The following GPR39 variants were observed in gnomAD, a reference collection of about 807,000 sequenced individuals.
GPR39 encodes zinc sensing receptor.
A neutral mutation model predicts 18.4 loss-of-function variants in GPR39; 23 were observed. The ratio of observed to expected loss-of-function variants is 1.25; its 90% CI spans 0.90 to 1.77. GPR39 has a LOEUF of 1.77. Among genes scored for constraint, GPR39 ranks in the 40% most tolerant of loss-of-function variants. The probability of loss-of-function intolerance (pLI) is 0.00; values close to 1 mark genes in which losing one functional copy is unlikely to be tolerated. For missense variants in GPR39, 647 were observed against 602.4 expected, an observed-to-expected ratio of 1.07 and a Z score of -0.78; for synonymous variants, 280 against 257.9, an observed-to-expected ratio of 1.09 and a Z score of -0.82.
chr2:132,456,968 C>A (rs1188827896), intron 1 of GPR39, among the ~76,000 whole-genome samples: 1 of 152,244 alleles, frequency 6.6e-6, no homozygotes, highest in South Asian at 2.1e-4. Flanking sequence ...TGGGGTGGCT[C>A]TCCTCGAGGA....
chr2:132,423,865 G>C (rs558369627), intron 1 of GPR39, among the ~76,000 whole-genome samples: 1 of 152,282 alleles, frequency 6.6e-6, no homozygotes, highest in South Asian at 2.1e-4. Context: ...AGACATAGTA[G>C]GTAATGAATA....
At chr2:132,617,049 C>T (rs1681349000) in intron 1 of GPR39, among the ~76,000 whole-genome samples, 1 of 152,126 alleles carries the variant, frequency 6.6e-6, no homozygotes, top group African/African-American at 2.4e-5. Flanking sequence ...TGTGGATTCT[C>T]TTTCTCTATT....
In GPR39 at chr2:132,458,458, T is replaced by TTGTGTGTGTTTG. The variant is rs1553448882; in HGVS notation, c.856+40569_856+40570insTTGTGTGTGTGT. On this transcript the variant is annotated intron_variant, in intron 1 of 1. Coordinates refer to ENST00000329321, the MANE Select transcript of GPR39 (RefSeq NM_001508.3). Reference sequence around the variant, plus strand: ...TCTCTCTCTCTCTCTCTCGGTGTGTTTGTGTGTGTGTGTGTGTGTGTGTGT... The same window carrying TTGTGTGTGTTTG: ...TCTCTCTCTCTCTCTCTCGGTGTGTTTGTGTGTGTTTGTGTGTGTGTGTGTGTGTGTGTGTGT... Among the ~76,000 whole-genome samples the TTGTGTGTGTTTG allele has an allele frequency of 2.3e-5, 3 of 132,208 alleles. No individual in the cohort carries two copies. The East Asian group carries it at 6.8e-4, about 30-fold the overall frequency. The allele number at this position is 132,208 out of a possible 152,430, so 86.7% of individuals were successfully genotyped here. A position where few individuals can be genotyped will look rare whatever the true frequency, so the allele number is the denominator to read the frequency against.
intron 1 of GPR39, among the ~76,000 whole-genome samples, chr2:132,439,798 T>C (rs1043281010): frequency 9.2e-5 from 14 of 152,176 alleles, no homozygotes. Context: ...GCCTAGGAGC[T>C]AGTGGTGGCC....
chr2:132,576,735 A>G (rs989766379), intron 1 of GPR39, among the ~76,000 whole-genome samples: 1 of 152,098 alleles, frequency 6.6e-6, no homozygotes. Flanking sequence ...ATTTTACAGA[A>G]ATTTAGTTTT....
intron 1 of GPR39, among the ~76,000 whole-genome samples, chr2:132,591,591 T>C (rs1360747884): frequency 6.6e-6 from 1 of 152,218 alleles, no homozygotes; most frequent in African/African-American, 2.4e-5. Context: ...CCCTTTCATG[T>C]ATACATCTAT....
intron 1 of GPR39, among the ~76,000 whole-genome samples, chr2:132,626,643 TG>T (rs1337186275): frequency 6.6e-6 from 1 of 151,950 alleles, no homozygotes; most frequent in East Asian, 1.9e-4. Context: ...GTGATGTGAG[TG>T]GTATTGAATA....
intron 1 of GPR39, among the ~76,000 whole-genome samples, chr2:132,584,924 C>A (rs556116303): frequency 5.9e-5 from 9 of 152,188 alleles, no homozygotes; most frequent in Non-Finnish European, 1.0e-4. Flanking sequence ...CTGATTTCCA[C>A]AGATCTCAGA....
intron 1 of GPR39, among the ~76,000 whole-genome samples, chr2:132,472,341 G>A (rs369203085): frequency 3.8e-4 from 58 of 152,262 alleles, no homozygotes; most frequent in African/African-American, 1.3e-3. Context: ...CCTTCCAGGT[G>A]TATTCCATCC....
chr2:132,624,974 C>T (rs1309381062), intron 1 of GPR39, among the ~76,000 whole-genome samples: 1 of 152,070 alleles, frequency 6.6e-6, no homozygotes, highest in Non-Finnish European at 1.5e-5. Context: ...AGGTTCTGCA[C>T]ATGAACAGCT....
chr2:132,501,507 A>G (rs1417517696), intron 1 of GPR39, among the ~76,000 whole-genome samples: 2 of 152,134 alleles, frequency 1.3e-5, no homozygotes, highest in Admixed American at 6.5e-5. Flanking sequence ...CGTATGGTCT[A>G]TCTTGTAGAA....
intron 1 of GPR39, among the ~76,000 whole-genome samples, chr2:132,421,520 C>G (rs1356874328): frequency 6.6e-6 from 1 of 152,124 alleles, no homozygotes; most frequent in Non-Finnish European, 1.5e-5. Flanking sequence ...AATAATTACA[C>G]TCTTTTGCAT....
chr2:132,548,788 A>G (rs147537705), intron 1 of GPR39, among the ~76,000 whole-genome samples: 4 of 152,340 alleles, frequency 2.6e-5, no homozygotes, highest in African/African-American at 9.6e-5. Context: ...AGTCCCCAAG[A>G]AATGCAACTT....
chr2:132,586,552 A>G (rs1011505142), intron 1 of GPR39, among the ~76,000 whole-genome samples: 2 of 152,236 alleles, frequency 1.3e-5, no homozygotes, highest in Admixed American at 1.3e-4. Context: ...CCTTCCTGAC[A>G]TCAATTTAGC....
intron 1 of GPR39, among the ~76,000 whole-genome samples, chr2:132,514,604 A>C (rs1679298346): frequency 6.6e-6 from 1 of 152,192 alleles, no homozygotes; most frequent in Non-Finnish European, 1.5e-5. Context: ...CAGGCTTTGC[A>C]GGCTCCTTGC....
intron 1 of GPR39, among the ~76,000 whole-genome samples, chr2:132,533,882 A>T (rs1408743805): frequency 6.6e-6 from 1 of 152,234 alleles, no homozygotes; most frequent in Non-Finnish European, 1.5e-5. Context: ...CTAAAACCAT[A>T]AAAACCCTAG....
chr2:132,635,022 T>G (rs1455547886), intron 1 of GPR39, among the ~76,000 whole-genome samples: 4 of 152,242 alleles, frequency 2.6e-5, no homozygotes, highest in Non-Finnish European at 5.9e-5. Context: ...AACCCCTGTC[T>G]AGTTCTCCTT....
At chr2:132,494,240 G>A (rs113453122) in intron 1 of GPR39, among the ~76,000 whole-genome samples, 11 of 152,278 alleles carry the variant, frequency 7.2e-5, no homozygotes, top group South Asian at 2.1e-4. Context: ...GGTCCAAGGC[G>A]TAATATGGCT....
At chr2:132,487,196 C>A (rs1217229065) in intron 1 of GPR39, among the ~76,000 whole-genome samples, 1 of 152,124 alleles carries the variant, frequency 6.6e-6, no homozygotes, top group Non-Finnish European at 1.5e-5. Context: ...AAAACAATTA[C>A]AATAGTAACA....
Sources: allele counts gnomAD v4.1 joint callset (sites outside exome capture counted in the v4.1 genomes callset), GRCh38; gene constraint gnomAD v4.1.1; transcripts MANE v1.5; gene names NCBI Gene and HGNC (gene_info 2026-07-23, HGNC 2026-07-21).